Variants in PHF20L1 observed in about 807,000 individuals in gnomAD.
PHF20L1 encodes the protein PHD finger protein 20-like protein 1.
PHF20L1 carries 44 observed loss-of-function variants against 125.5 expected under a neutral mutation model. The ratio of observed to expected loss-of-function variants is 0.35; its 90% confidence interval spans 0.28 to 0.45. PHF20L1 has a LOEUF of 0.45. PHF20L1 is among the 20% of genes least tolerant of loss of function. The pLI, the probability that PHF20L1 is intolerant of heterozygous loss-of-function variation, is 1.00. For missense variants in PHF20L1, 1,012 were observed against 1,217.2 expected, an observed-to-expected ratio of 0.83 and a Z score of 2.51; for synonymous variants, 380 against 403.1, an observed-to-expected ratio of 0.94 and a Z score of 0.69.
At chr8:132,827,213 A>G (rs1380516953) in intron 14 of PHF20L1, among the ~76,000 whole-genome samples, 2 of 151,618 alleles carry the variant, frequency 1.3e-5, no homozygotes, top group African/African-American at 4.8e-5. Context: ...GAAATGATGT[A>G]GAGGTAGGAA....
Position 132,832,418 on chromosome 8 carries a change from T to C in PHF20L1, c.1909+19T>C, listed in dbSNP as rs1233148041. 6.4e-6 allele frequency: 10 copies of C among 1,573,200 alleles called. No homozygotes were observed. The highest frequency in any genetic ancestry group is 8.7e-6 in the Non-Finnish European group (10 of 1,145,168). ...GGTGAAAGTATGTGTAACCATGTGA[T>C]GGTTAAAACAAGACTTACAATTCCT... On this transcript the variant is annotated intron_variant, in intron 15 of 20. Transcript: ENST00000395386.
At chr8:132,834,153 A>G (rs913935003) in intron 15 of PHF20L1, among the ~76,000 whole-genome samples, 13 of 152,036 alleles carry the variant, frequency 8.6e-5, no homozygotes, top group Non-Finnish European at 1.9e-4. Context: ...CAGCTCTGTC[A>G]TCCATTTTAC....
chr8:132,845,921 T>G lies in PHF20L1; in HGVS notation c.3052T>G (p.Ter1018GlyextTer3). ...VQQIATLCSV[*>G] ...GCAGATAGCAACTCTTTGCTCTGTA[T>G]GACAACAGTGAACACTTAATGAAAG... The change falls in exon 21 of 21, where the codon TGA (stop) becomes GGA (glycine). Residue 1018 changes from the stop codon to glycine, a stop_lost. Coordinates refer to ENST00000395386, the MANE Select transcript of PHF20L1 (RefSeq NM_016018.5). 2 of 1,610,044 alleles carry G rather than the reference T, an allele frequency of 1.2e-6. No individual in the cohort carries two copies. The highest frequency in any genetic ancestry group is 1.7e-6 in the Non-Finnish European group (2 of 1,177,192).
chr8:132,820,914 G>T (rs1025069802), intron 12 of PHF20L1, among the ~76,000 whole-genome samples: 1 of 151,688 alleles, frequency 6.6e-6, no homozygotes, highest in South Asian at 2.1e-4. Flanking sequence ...AGTTATTCTT[G>T]TATTAAAAGA....
At chr8:132,836,454 G>A in intron 15 of PHF20L1, 86 bp from the exon 16 acceptor site, 1 of 831,912 alleles carries the variant, frequency 1.2e-6, no homozygotes, top group East Asian at 2.6e-5. Flanking sequence ...AATAGCTTAT[G>A]TTCACTTCTC....
At chr8:132,820,269 A>G (rs1350827049) in intron 12 of PHF20L1, among the ~76,000 whole-genome samples, 1 of 151,806 alleles carries the variant, frequency 6.6e-6, no homozygotes, top group African/African-American at 2.4e-5. Flanking sequence ...TAATTCTGTT[A>G]GTATCTGGGA....
At chr8:132,814,027 T>G (rs1834687874) in intron 9 of PHF20L1, among the ~76,000 whole-genome samples, 1 of 151,908 alleles carries the variant, frequency 6.6e-6, no homozygotes, top group South Asian at 2.1e-4. Context: ...TTTTAGTCTT[T>G]TAACTCTATA....
chr8:132,834,626 G>A (rs773407873), intron 15 of PHF20L1, among the ~76,000 whole-genome samples: 9 of 152,004 alleles, frequency 5.9e-5, no homozygotes, highest in Non-Finnish European at 8.8e-5. Flanking sequence ...GAGCCGCTGT[G>A]CCCGGCCCAT....
Position 132,842,866 on chromosome 8 carries a change from G to T in PHF20L1, c.2739G>T (p.Met913Ile). The T allele has an allele frequency of 6.2e-7, 1 of 1,602,642 alleles. No individual in the cohort carries two copies. The highest frequency in any genetic ancestry group is 1.1e-5 in the South Asian group (1 of 88,770). ...AGTACTCAGCAAAAGAACATGGAAT[G>T]CCTGAAAAGGTAAAACTAGTTCATT... Reference protein sequence around the residue: ...SLQYSAKEHGMPEKNPAEGNT... With the variant: ...SLQYSAKEHGIPEKNPAEGNT... Residue 913 changes from methionine (M) to isoleucine (I), a missense_variant, in exon 19 of 21, where the codon ATG (methionine) becomes ATT (isoleucine). Physicochemically the swap from Met to Ile is conservative, Grantham distance 10. Coordinates refer to ENST00000395386, the MANE Select transcript of PHF20L1 (RefSeq NM_016018.5).
intron 2 of PHF20L1, among the ~76,000 whole-genome samples, chr8:132,784,887 G>A (rs764056072): frequency 1.2e-4 from 19 of 152,118 alleles, no homozygotes; most frequent in South Asian, 4.1e-4. Flanking sequence ...GCAAGCCTAT[G>A]CCACTCTTTT....
chr8:132,820,338 G>GT (rs1835441954), intron 12 of PHF20L1, among the ~76,000 whole-genome samples: 1 of 151,762 alleles, frequency 6.6e-6, no homozygotes, highest in Admixed American at 6.6e-5. Flanking sequence ...CTTGGTTCAG[G>GT]TTCTCACAGG....
rs1833501825 is a variant in PHF20L1, at chr8:132,804,862, A to G, written c.847+122A>G. On this transcript the variant is annotated intron_variant, in intron 8 of 20. Transcript: ENST00000395386. The stretch of plus-strand genomic sequence containing the variant: ...TCATGGACCTGTTAATAACAAAGAC[A>G]ATTACTTTGTGGTTCTTCAAGGTCA... 16 of 827,248 alleles carry G rather than the reference A, an allele frequency of 1.9e-5. No individual in the cohort carries two copies. The South Asian group carries it at 3.0e-4, about 15-fold the overall frequency. The allele number at this position is 827,248 out of a possible 1,614,324, so 51.2% of individuals were successfully genotyped here. A position where few individuals can be genotyped will look rare whatever the true frequency, so the allele number is the denominator to read the frequency against.
At chr8:132,795,823 A>G (rs763161399) in intron 4 of PHF20L1, among the ~76,000 whole-genome samples, 1 of 152,136 alleles carries the variant, frequency 6.6e-6, no homozygotes, top group Admixed American at 6.6e-5. Context: ...TAAGAAGTTA[A>G]CAATAATAAA....
chr8:132,799,129 C>G lies in PHF20L1; in HGVS notation c.464C>G (p.Pro155Arg), dbSNP rs1487690257. The G allele has an allele frequency of 1.2e-6, 2 of 1,610,080 alleles. No homozygotes were observed. Among genetic ancestry groups the G allele is most frequent in the Middle Eastern group, 1.7e-4 (1 of 6,042 alleles). ...KSQHPLSWCC[P>R]IDPAGSCNQS... ...CAGCATCCACTAAGCTGGTGTTGTC[C>G]TATCGACCCAGCTGGATCGTGTAAC... Residue 155 changes from proline to arginine, a missense_variant, in exon 6 of 21, where the codon CCT (proline) becomes CGT (arginine). Around this residue, in one of 7 missense-constraint regions of PHF20L1, gnomAD observed 134 missense variants for 145.9 expected, o/e 0.92. Coordinates refer to ENST00000395386, the MANE Select transcript of PHF20L1 (RefSeq NM_016018.5).
intron 14 of PHF20L1, among the ~76,000 whole-genome samples, chr8:132,830,862 C>T (rs1836695316): frequency 6.6e-6 from 1 of 152,030 alleles, no homozygotes; most frequent in African/African-American, 2.4e-5. Context: ...GTTTCTCCAC[C>T]TTGCATTTAC....
At chr8:132,829,626 G>A (rs1587034450) in intron 14 of PHF20L1, among the ~76,000 whole-genome samples, 1 of 152,150 alleles carries the variant, frequency 6.6e-6, no homozygotes, top group Non-Finnish European at 1.5e-5. Flanking sequence ...CATTCCCAGT[G>A]CACTGGAGAT....
chr8:132,785,416 T>G (rs780244505), intron 2 of PHF20L1, among the ~76,000 whole-genome samples: 17 of 152,164 alleles, frequency 1.1e-4, no homozygotes, highest in Non-Finnish European at 1.9e-4. Context: ...GTTTTTAATT[T>G]TGGTTTTAAG....
At chr8:132,784,274 TC>T (rs1830757493) in intron 2 of PHF20L1, among the ~76,000 whole-genome samples, 1 of 152,192 alleles carries the variant, frequency 6.6e-6, no homozygotes, top group Non-Finnish European at 1.5e-5. Context: ...TTTCTGCTTA[TC>T]CTAGTTTTTT....
chr8:132,811,556 A>G, intron 9 of PHF20L1: 3 of 984,020 alleles, frequency 3.0e-6, no homozygotes, highest in Non-Finnish European at 3.6e-6. Context: ...TGTTTTATGA[A>G]TTGATCAATG....
Sources: allele counts gnomAD v4.1 joint callset (sites outside exome capture counted in the v4.1 genomes callset), GRCh38; gene constraint gnomAD v4.1.1; regional missense constraint gnomAD v4.1.1; transcripts MANE v1.5; gene names NCBI Gene and HGNC (gene_info 2026-07-23, HGNC 2026-07-21).